Variants in PRH1 observed in about 807,000 individuals in gnomAD.
PRH1 encodes the protein salivary acidic proline-rich phosphoprotein 1/2.
In PRH1, 7 loss-of-function variants were observed where a neutral mutation model predicts 7.9. That is an observed-to-expected ratio of 0.89 (90% CI 0.50 to 1.67). PRH1 has a LOEUF of 1.67. Ranked by LOEUF, PRH1 falls within the 40% of genes most tolerant of loss-of-function variation. The pLI is 0.00. For synonymous variants in PRH1, 45 were observed against 80.8 expected, an observed-to-expected ratio of 0.56 and a Z score of 2.38; for missense variants, 109 against 223.6, an observed-to-expected ratio of 0.49 and a Z score of 3.27.
chr12:11,098,270 T>C (rs1007989955), intron 1 of PRH1, among the ~76,000 whole-genome samples: 1 of 150,996 alleles, frequency 6.6e-6, no homozygotes, highest in Non-Finnish European at 1.5e-5. Context: ...GTAAATCTGC[T>C]GGGTCATTCT....
chr12:11,138,567 G>A (rs1946620348), intron 1 of PRH1, among the ~76,000 whole-genome samples: 1 of 152,054 alleles, frequency 6.6e-6, no homozygotes, highest in African/African-American at 2.4e-5. Flanking sequence ...TCTTACTATA[G>A]TTTATTGGAA....
chr12:10,992,035 G>C (rs1403637051), intron 1 of PRH1, among the ~76,000 whole-genome samples: 1 of 152,118 alleles, frequency 6.6e-6, no homozygotes, highest in Non-Finnish European at 1.5e-5. Context: ...ACCAAGAGGG[G>C]ACAAGAGTTG....
At chr12:10,949,894 T>A (rs1950543768) in intron 2 of PRH1, among the ~76,000 whole-genome samples, 1 of 152,196 alleles carries the variant, frequency 6.6e-6, no homozygotes, top group South Asian at 2.1e-4. Flanking sequence ...CACTTATATG[T>A]TTCGTTTTAG....
intron 1 of PRH1, among the ~76,000 whole-genome samples, chr12:11,146,468 TC>T (rs985861231): frequency 2.0e-5 from 3 of 152,136 alleles, no homozygotes; most frequent in Admixed American, 2.0e-4. Flanking sequence ...TTTAATTTCA[TC>T]CATATATTCC....
intron 1 of PRH1, among the ~76,000 whole-genome samples, chr12:11,148,128 C>T (rs1183268335): frequency 1.4e-5 from 2 of 143,708 alleles, no homozygotes; most frequent in East Asian, 3.9e-4. Context: ...GATTTTTGTA[C>T]ATTGATTTTG....
Position 10,914,373 on chromosome 12 carries a change from T to C in PRH1, c.-58-30098A>G, listed in dbSNP as rs538675030. ...AGAATACATGTGCCATAGTAAATTA[T>C]GTGTGTATTCAGGGACATTAGAAAA... On this transcript the variant is annotated intron_variant, in intron 2 of 3. Transcript: ENST00000539853. 1.5e-4 allele frequency among the ~76,000 whole-genome samples: 23 copies of C among 152,318 alleles called. No individual in the cohort carries two copies. The South Asian group carries it at 4.6e-3, about 30-fold the overall frequency.
exon 2 of PRH1, chr12:11,120,886 G>A (rs1425808182): frequency 6.5e-6 from 1 of 153,334 alleles, no homozygotes; most frequent in Non-Finnish European, 1.5e-5. Context: ...ATGATGGAAT[G>A]GAGGGGAATA....
chr12:10,994,869 C>T (rs368399113), intron 1 of PRH1, among the ~76,000 whole-genome samples: 5 of 152,014 alleles, frequency 3.3e-5, no homozygotes, highest in African/African-American at 7.2e-5. Flanking sequence ...ATATATCATT[C>T]GCAATAGAAA....
At chr12:11,096,547 A>G (rs1945072861) in intron 1 of PRH1, among the ~76,000 whole-genome samples, 1 of 115,754 alleles carries the variant, frequency 8.6e-6, no homozygotes, top group African/African-American at 2.9e-5. Context: ...ACTTTGGTCA[A>G]AGAAGAGAGT....
chr12:11,163,858 A>C (rs1947489977), intron 1 of PRH1, among the ~76,000 whole-genome samples: 1 of 152,212 alleles, frequency 6.6e-6, no homozygotes, highest in South Asian at 2.1e-4. Flanking sequence ...GGGACATAAA[A>C]AAGAAGCTGG....
chr12:11,037,960 T>C (rs1469963895), intron 1 of PRH1, among the ~76,000 whole-genome samples: 2 of 152,246 alleles, frequency 1.3e-5, no homozygotes, highest in Admixed American at 6.5e-5. Flanking sequence ...GAGAATCACT[T>C]GAGCCCAGGT....
chr12:11,069,545 T>C (rs934161991), intron 1 of PRH1, among the ~76,000 whole-genome samples: 5 of 152,100 alleles, frequency 3.3e-5, no homozygotes, highest in Admixed American at 6.5e-5. Flanking sequence ...CATCCTGAAA[T>C]GCAAATAAAC....
intron 1 of PRH1, chr12:11,061,493 C>T (rs370408044): frequency 1.3e-5 from 21 of 1,614,026 alleles, no homozygotes; most frequent in African/African-American, 1.1e-4. Flanking sequence ...TAGCTGAATG[C>T]AATAGCTTCG....
chr12:10,936,527 C>T (rs1322735343), intron 2 of PRH1, among the ~76,000 whole-genome samples: 2 of 151,988 alleles, frequency 1.3e-5, no homozygotes, highest in Non-Finnish European at 2.9e-5. Flanking sequence ...ATATATAGTA[C>T]CCCCAAAACT....
At chr12:11,133,249 T>C (rs1946426200) in intron 1 of PRH1, 14 of 1,551,436 alleles carry the variant, frequency 9.0e-6, no homozygotes, top group African/African-American at 1.4e-5. Flanking sequence ...CAGTAAGAAA[T>C]ATAAAATGTT....
At chr12:11,135,903 T>A (rs527422237) in intron 1 of PRH1, among the ~76,000 whole-genome samples, 1 of 152,308 alleles carries the variant, frequency 6.6e-6, no homozygotes, top group African/African-American at 2.4e-5. Context: ...ATAATTTCTA[T>A]GAGACGTTTC....
At position 10,923,292 on chromosome 12, in the gene PRH1, A is replaced by AT. The variant is rs1318128596; in HGVS notation, c.-58-39018dup. The stretch of plus-strand genomic sequence containing the variant: ...AGGCACACGCCACCATGCACAGCTA[A>AT]TTTTTTTGTATTTTTAGTAGAGATG... On this transcript the variant is annotated intron_variant, in intron 2 of 3. Coordinates refer to the PRH1 transcript ENST00000539853. Among the ~76,000 whole-genome samples, 5 of 151,050 alleles carry AT rather than the reference A, an allele frequency of 3.3e-5. No homozygotes were observed. In the East Asian group the frequency reaches 7.8e-4, roughly 24 times the overall value.
intron 1 of PRH1, among the ~76,000 whole-genome samples, chr12:11,046,838 T>C (rs1942917532): frequency 6.6e-6 from 1 of 152,206 alleles, no homozygotes; most frequent in Admixed American, 6.5e-5. Context: ...TTGACAGTCA[T>C]TAGTTTTACA....
At chr12:10,895,262 C>T (rs1436500320) in intron 2 of PRH1, 4 of 152,114 alleles carry the variant, frequency 2.6e-5, no homozygotes, top group Non-Finnish European at 5.9e-5. Context: ...CCTGGTGTGG[C>T]TCCATAAGGA....
Sources: gnomAD v4.1 joint callset for allele counts (sites outside exome capture counted in the v4.1 genomes callset) on GRCh38, gnomAD v4.1.1 for gene constraint, MANE v1.5 for transcripts, NCBI Gene and HGNC (gene_info 2026-07-23, HGNC 2026-07-21) for gene names.